The following HERC4 variants were observed in gnomAD, a reference collection of about 807,000 sequenced individuals.
HERC4 encodes the protein HECT and RLD domain containing E3 ubiquitin protein ligase 4.
In HERC4, 28 loss-of-function variants were observed where a neutral mutation model predicts 124.3. The ratio of observed to expected loss-of-function variants is 0.23; its 90% CI spans 0.17 to 0.31. HERC4 has a LOEUF of 0.31. Among genes scored for constraint, HERC4 ranks in the 10% least tolerant of loss-of-function variants. The probability of loss-of-function intolerance (pLI) is 1.00; values close to 1 mark genes in which losing one functional copy is unlikely to be tolerated. For missense variants in HERC4, 713 were observed against 1,229.3 expected (o/e 0.58, Z 6.28); for synonymous variants, 407 against 421.5 (o/e 0.97, Z 0.42).
At chr10:68,062,631 G>A (rs1037513871) in intron 3 of HERC4, among the ~76,000 whole-genome samples, 2 of 151,926 alleles carry the variant, frequency 1.3e-5, no homozygotes, top group Admixed American at 6.6e-5. Flanking sequence ...GTGGTGGTGG[G>A]TGCCTGTAAT....
At chr10:68,066,372 T>C (rs986291133) in intron 3 of HERC4, among the ~76,000 whole-genome samples, 1 of 152,212 alleles carries the variant, frequency 6.6e-6, no homozygotes, top group African/African-American at 2.4e-5. Flanking sequence ...AGTACCCAAA[T>C]TGTAAAACCA....
intron 13 of HERC4, 56 bp from the exon 14 acceptor site, chr10:67,990,456 G>T: frequency 4.9e-6 from 3 of 615,306 alleles, no homozygotes; most frequent in Non-Finnish European, 6.9e-6. Flanking sequence ...CACTTTCAAA[G>T]AAAAAAAAAA....
intron 3 of HERC4, among the ~76,000 whole-genome samples, chr10:68,070,806 C>T (rs1342817879): frequency 6.6e-6 from 1 of 151,922 alleles, no homozygotes; most frequent in African/African-American, 2.4e-5. Context: ...GGACCCCCCC[C>T]TTCTACAAAA....
At chr10:67,946,395 AC>A (rs975102150) in intron 19 of HERC4, among the ~76,000 whole-genome samples, 29 of 145,502 alleles carry the variant, frequency 2.0e-4, no homozygotes, top group East Asian at 1.0e-3. Context: ...ACACACACAC[AC>A]AAGACCCAAT....
At chr10:68,053,559 GGGATTATA>G (rs1232405833) in intron 3 of HERC4, among the ~76,000 whole-genome samples, 1 of 152,030 alleles carries the variant, frequency 6.6e-6, no homozygotes, top group African/African-American at 2.4e-5. Context: ...CCAAAGTGCT[GGGATTATA>G]GGTTTGAGCC....
chr10:67,955,345 T>C (rs2034069850), intron 17 of HERC4: 1 of 454,868 alleles, frequency 2.2e-6, no homozygotes, highest in Non-Finnish European at 3.8e-6. Context: ...GTATAATGTA[T>C]AACTCATAAC....
chr10:68,021,267 C>A (rs961266293), intron 8 of HERC4, among the ~76,000 whole-genome samples: 1 of 152,200 alleles, frequency 6.6e-6, no homozygotes, highest in Non-Finnish European at 1.5e-5. Context: ...GGGTTACATA[C>A]TATGACCACG....
intron 19 of HERC4, 81 bp from the exon 20 acceptor site, chr10:67,941,186 T>C: frequency 4.1e-6 from 4 of 977,530 alleles, no homozygotes; most frequent in Non-Finnish European, 1.4e-6. Flanking sequence ...TATGCTCATA[T>C]ACAATTTTGA....
chr10:68,046,784 T>C (rs923707986), intron 3 of HERC4, among the ~76,000 whole-genome samples: 55 of 152,120 alleles, frequency 3.6e-4, no homozygotes, highest in Admixed American at 3.9e-4. Context: ...CTGGGCAACA[T>C]AGTGAGACCT....
At chr10:68,034,382 C>T (rs1236351242) in intron 5 of HERC4, among the ~76,000 whole-genome samples, 196 bp from the exon 6 acceptor site, 2 of 152,068 alleles carry the variant, frequency 1.3e-5, no homozygotes, top group African/African-American at 4.8e-5. Context: ...CCTAGAAGAA[C>T]ATTCAGTATT....
chr10:68,046,962 AAAAC>A (rs1019102694), intron 3 of HERC4, among the ~76,000 whole-genome samples: 5 of 151,160 alleles, frequency 3.3e-5, no homozygotes, highest in Admixed American at 6.6e-5. Flanking sequence ...TGTCTCCAGA[AAAAC>A]AAACAAACAA....
intron 7 of HERC4, among the ~76,000 whole-genome samples, chr10:68,028,911 T>G (rs972215526): frequency 6.6e-6 from 1 of 152,148 alleles, no homozygotes; most frequent in African/African-American, 2.4e-5. Flanking sequence ...GAATGCACAC[T>G]TGTAATTCCA....
intron 3 of HERC4, 149 bp downstream of exon 3, chr10:68,072,734 A>C: frequency 3.5e-6 from 2 of 564,746 alleles, no homozygotes; most frequent in Non-Finnish European, 6.1e-6. Flanking sequence ...AACCATACAA[A>C]TATACACATA....
chr10:68,072,837 GATATA>G, intron 3 of HERC4, 41 bp downstream of exon 3: 1 of 1,286,534 alleles, frequency 7.8e-7, no homozygotes, highest in Non-Finnish European at 1.1e-6. Context: ...AATTTAAAAT[GATATA>G]ATTATTAAAA....
intron 3 of HERC4, among the ~76,000 whole-genome samples, chr10:68,048,186 T>C (rs1052481107): frequency 6.6e-6 from 1 of 152,100 alleles, no homozygotes; most frequent in Non-Finnish European, 1.5e-5. Flanking sequence ...CCCAAAGTGT[T>C]AGGATTTACA....
At chr10:67,944,265 G>A in intron 19 of HERC4, among the ~76,000 whole-genome samples, 1 of 152,164 alleles carries the variant, frequency 6.6e-6, no homozygotes, top group Non-Finnish European at 1.5e-5. Flanking sequence ...GAAAGACTCT[G>A]GGAAAAAGTG....
chr10:67,941,652 G>A (rs1033970283), intron 19 of HERC4, among the ~76,000 whole-genome samples: 10 of 107,738 alleles, frequency 9.3e-5, no homozygotes, highest in Non-Finnish European at 1.8e-4. Context: ...GTCACTAAAT[G>A]TTCTTCTAAA....
At chr10:67,966,199 G>T (rs774341825) in intron 16 of HERC4, 2 of 153,770 alleles carry the variant, frequency 1.3e-5, no homozygotes, top group Non-Finnish European at 2.9e-5. Context: ...GGCTGGTCTT[G>T]AAATCCCGAG....
intron 16 of HERC4, among the ~76,000 whole-genome samples, chr10:67,957,630 T>C (rs879633001): frequency 1.3e-5 from 2 of 152,214 alleles, no homozygotes; most frequent in Non-Finnish European, 2.9e-5. Context: ...GAGTTATGAA[T>C]TGCCAGTCAC....
Sources: allele counts gnomAD v4.1 joint callset (sites outside exome capture counted in the v4.1 genomes callset), GRCh38; gene constraint gnomAD v4.1.1; transcripts MANE v1.5; gene names NCBI Gene and HGNC (gene_info 2026-07-23, HGNC 2026-07-21).